The following ATP2A3 variants were observed in gnomAD, a reference collection of about 807,000 sequenced individuals.
The protein encoded by ATP2A3 is sarcoplasmic/endoplasmic reticulum calcium ATPase 3.
In ATP2A3, 61 loss-of-function variants were observed where a neutral mutation model predicts 106.8. The ratio of observed to expected loss-of-function variants is 0.57; its 90% CI spans 0.46 to 0.71. The LOEUF (loss-of-function observed/expected upper bound fraction) is 0.71, where lower values mean the gene tolerates loss of function less well. Ranked by LOEUF, ATP2A3 falls within the 30% of genes least tolerant of loss-of-function variation. The pLI is 0.00. For synonymous variants in ATP2A3, 611 were observed against 609.3 expected (o/e 1.00, Z -0.04); for missense variants, 1,201 against 1,423.5 (o/e 0.84, Z 2.52).
At chr17:3,942,371 A>G (rs2053829920) in intron 12 of ATP2A3, among the ~76,000 whole-genome samples, 1 of 152,194 alleles carries the variant, frequency 6.6e-6, no homozygotes, top group Non-Finnish European at 1.5e-5. Flanking sequence ...CGCTGTAGAC[A>G]GTGGTCTGCA....
In ATP2A3 at chr17:3,925,956, C is replaced by A. The variant is rs113124817; in HGVS notation, c.2981-515G>T. ...AAGCCGAAATCCAGTCCCAACACCC[C>A]ATTTCATGGTTCCTCACTGTCCTCA... On this transcript the variant is annotated intron_variant, in intron 20 of 20. Transcript: ENST00000397041. This position sits in a 1 kb window ranked among gnomAD's most constrained non-coding sequence, Gnocchi z 4.2. Among the ~76,000 whole-genome samples the A allele has an allele frequency of 2.2e-3, 341 of 152,050 alleles. 1 individual carries two copies. Among genetic ancestry groups the A allele is most frequent in the Non-Finnish European group, 3.9e-3 (263 of 67,964 alleles).
At chr17:3,933,290 A>C (rs1361260297) in intron 17 of ATP2A3, among the ~76,000 whole-genome samples, 1 of 151,194 alleles carries the variant, frequency 6.6e-6, no homozygotes. Flanking sequence ...CAAATAAATA[A>C]ATAAATAAAT....
chr17:3,927,664 AC>A (rs2052783935), intron 20 of ATP2A3: 2 of 340,864 alleles, frequency 5.9e-6, no homozygotes, highest in Non-Finnish European at 7.1e-6. Context: ...AGCTCCCCCC[AC>A]CCCCACCCAT....
intron 17 of ATP2A3, among the ~76,000 whole-genome samples, chr17:3,934,638 C>G (rs1243190002): frequency 6.6e-6 from 1 of 151,834 alleles, no homozygotes; most frequent in Non-Finnish European, 1.5e-5. Context: ...ATTCAACTGC[C>G]TCAGCCTCCT....
In ATP2A3 at chr17:3,953,539, G is replaced by A. The variant is rs552399257; in HGVS notation, c.137-110C>T. 535 of 1,500,160 alleles carry A rather than the reference G, an allele frequency of 3.6e-4. 2 individuals are homozygous for A. Among genetic ancestry groups the A allele is most frequent in the Middle Eastern group, 1.7e-4 (1 of 5,858 alleles). 92.9% of individuals were successfully genotyped at this position (1,500,160 alleles called of 1,614,324 possible). ...GCCCATTCCCTCCCTGCACTCAGAA[G>A]AGGGAGAACCCAGGTCGCTGAGAGG... On this transcript the variant is annotated intron_variant, in intron 2 of 20. Coordinates refer to ENST00000397041, the MANE Select transcript of ATP2A3 (RefSeq NM_005173.4). The surrounding 1 kb of genome is among the most constrained non-coding windows in gnomAD (Gnocchi z 5.1).
Position 3,926,186 on chromosome 17 carries a change from C to T in ATP2A3, c.2981-745G>A, listed in dbSNP as rs1031691750. 1.3e-5 allele frequency among the ~76,000 whole-genome samples: 2 copies of T among 152,182 alleles called. No individual in the cohort carries two copies. The highest frequency in any genetic ancestry group is 3.9e-4 in the East Asian group (2 of 5,190). On this transcript the variant is annotated intron_variant, in intron 20 of 20. Transcript: ENST00000397041. The surrounding 1 kb of genome is among the most constrained non-coding windows in gnomAD (Gnocchi z 4.6). Reference sequence around the variant, plus strand: ...CACATCCCTCGTAAATGACATAAATCACGGGGAAGCCACAAGCATCAGGCT... The same window carrying T: ...CACATCCCTCGTAAATGACATAAATTACGGGGAAGCCACAAGCATCAGGCT...
chr17:3,930,435 C>T lies in ATP2A3; in HGVS notation c.2611-1G>A, dbSNP rs1236771384. The T allele has an allele frequency of 6.2e-7, 1 of 1,613,834 alleles. No homozygotes were observed. The highest frequency in any genetic ancestry group is 8.5e-7 in the Non-Finnish European group (1 of 1,180,012). Reference sequence around the variant, plus strand: ...CTTCGGAGCACTTCAGGAAGTTCCTCTGGGGGCACCGTGGCAGGTCAGAGA... The same window carrying T: ...CTTCGGAGCACTTCAGGAAGTTCCTTTGGGGGCACCGTGGCAGGTCAGAGA... On this transcript the variant is annotated splice_acceptor_variant, in intron 17 of 20. Coordinates refer to ENST00000397041, the MANE Select transcript of ATP2A3 (RefSeq NM_005173.4). LOFTEE classifies it high-confidence loss of function. This position sits in a 1 kb window ranked among gnomAD's most constrained non-coding sequence, Gnocchi z 5.4.
Position 3,924,914 on chromosome 17 carries a change from C to T in ATP2A3, c.*508G>A. On this transcript the variant is annotated 3_prime_UTR_variant, in exon 21 of 21. Coordinates refer to ENST00000397041, the MANE Select transcript of ATP2A3 (RefSeq NM_005173.4). This position sits in a 1 kb window ranked among gnomAD's most constrained non-coding sequence, Gnocchi z 6.4. ...TGTACACAGCTGGGCCCAGATGGCC[C>T]CTTCTGATCCCCCAGGGCTGACCCA... 1 of 451,992 alleles carries T rather than the reference C, an allele frequency of 2.2e-6. No individual in the cohort carries two copies. 28.0% of individuals were successfully genotyped at this position (451,992 alleles called of 1,614,324 possible).
Position 3,951,568 on chromosome 17 carries a change from CAG to C in ATP2A3, c.324+11_324+12del. The stretch of plus-strand genomic sequence containing the variant: ...ACCGCCCCCCGCCCGGTCCCACCCC[CAG>C]TGCCTCCCACCTGCCACACGCCCAC... On this transcript the variant is annotated intron_variant, in intron 4 of 20. Coordinates refer to ENST00000397041, the MANE Select transcript of ATP2A3 (RefSeq NM_005173.4). The C allele has an allele frequency of 6.4e-7, 1 of 1,567,100 alleles. No individual in the cohort carries two copies. Among genetic ancestry groups the C allele is most frequent in the Non-Finnish European group, 8.6e-7 (1 of 1,156,420 alleles).
rs1199850537 is a variant in ATP2A3, at chr17:3,958,857, T to C, written c.119-5147A>G. Among the ~76,000 whole-genome samples, 98 of 109,662 alleles carry C rather than the reference T, an allele frequency of 8.9e-4. 1 individual carries two copies. The highest frequency in any genetic ancestry group is 1.9e-3 in the African/African-American group (41 of 21,976). 71.9% of individuals were successfully genotyped at this position (109,662 alleles called of 152,430 possible). ...ACACACACACATATATAAATATATA[T>C]ATATATATATATACACACACACACA... is the stretch of plus-strand genomic sequence containing the variant. On this transcript the variant is annotated intron_variant, in intron 1 of 20. Transcript: ENST00000397041.
chr17:3,944,574 T>C, intron 10 of ATP2A3, 130 bp downstream of exon 10: 1 of 892,368 alleles, frequency 1.1e-6, no homozygotes. Context: ...TGTGCAGGGG[T>C]AACCGTGCTC....
At chr17:3,948,087 GT>G (rs2054219725) in intron 7 of ATP2A3, among the ~76,000 whole-genome samples, 1 of 152,182 alleles carries the variant, frequency 6.6e-6, no homozygotes, top group African/African-American at 2.4e-5. Context: ...CGTATCCCCA[GT>G]GCCTAGCACG....
chr17:3,958,803 C>T lies in ATP2A3; in HGVS notation c.119-5093G>A, dbSNP rs963083666. 1.3e-3 allele frequency among the ~76,000 whole-genome samples: 147 copies of T among 116,074 alleles called. 3 individuals carry two copies. The highest frequency in any genetic ancestry group is 5.2e-3 in the African/African-American group (134 of 25,890). 76.1% of individuals were successfully genotyped at this position (116,074 alleles called of 152,430 possible). On this transcript the variant is annotated intron_variant, in intron 1 of 20. Transcript: ENST00000397041. The stretch of plus-strand genomic sequence containing the variant: ...ACACATATATATACACATATATATA[C>T]ACACATATATATATACACACATATA...
Position 3,947,530 on chromosome 17 carries a change from A to G in ATP2A3, c.956T>C (p.Leu319Pro). 6.2e-7 allele frequency: 1 copy of G among 1,613,344 alleles called. No homozygotes were observed. Among genetic ancestry groups the G allele is most frequent in the South Asian group, 1.1e-5 (1 of 91,082 alleles). Residue 319 changes from leucine (L) to proline (P), a missense_variant, in exon 8 of 21, where the codon CTG becomes CCG. Transcript: ENST00000397041. This position sits in a 1 kb window ranked among gnomAD's most constrained non-coding sequence, Gnocchi z 7.7. ...EGLPAVITTCLALGTRRMARK... is the reference protein window; with the variant it reads ...EGLPAVITTCPALGTRRMARK... ...TGCCATGCGCCGCGTGCCCAGTGCC[A>G]GGCATGTAGTGATGACAGCCGGGAG...
intron 14 of ATP2A3, among the ~76,000 whole-genome samples, chr17:3,938,509 C>T (rs899215660): frequency 2.6e-5 from 4 of 151,918 alleles, no homozygotes; most frequent in Non-Finnish European, 4.4e-5. Flanking sequence ...TCAAGGTCAA[C>T]GTTGAGAATA....
chr17:3,959,385 C>T (rs747145520), intron 1 of ATP2A3, among the ~76,000 whole-genome samples: 19 of 152,172 alleles, frequency 1.2e-4, no homozygotes, highest in Non-Finnish European at 1.8e-4. Flanking sequence ...CAGGGTGGGG[C>T]GGGGCTGAGT....
Position 3,928,545 on chromosome 17 carries a change from G to A in ATP2A3, c.2980+118C>T, listed in dbSNP as rs191866682. On this transcript the variant is annotated intron_variant, in intron 20 of 20. Coordinates refer to ENST00000397041, the MANE Select transcript of ATP2A3 (RefSeq NM_005173.4). The surrounding 1 kb of genome is among the most constrained non-coding windows in gnomAD (Gnocchi z 6.1). ...ACCCTCCACTTGGTGATCCGAGAAC[G>A]CCTCCCCGATGTGCAGACAGAGAGG... 9.5e-6 allele frequency: 10 copies of A among 1,048,884 alleles called. No individual in the cohort carries two copies. The highest frequency in any genetic ancestry group is 4.0e-5 in the Admixed American group (2 of 49,898). 65.0% of individuals were successfully genotyped at this position (1,048,884 alleles called of 1,614,324 possible).
Position 3,931,558 on chromosome 17 carries a change from G to T in ATP2A3, c.2611-1124C>A, listed in dbSNP as rs1340267647. Among the ~76,000 whole-genome samples, 7 of 145,720 alleles carry T rather than the reference G, an allele frequency of 4.8e-5. No individual in the cohort carries two copies. In the East Asian group the frequency reaches 1.0e-3, roughly 21 times the overall value. On this transcript the variant is annotated intron_variant, in intron 17 of 20. Coordinates refer to ENST00000397041, the MANE Select transcript of ATP2A3 (RefSeq NM_005173.4). Reference sequence around the variant, plus strand: ...TTTTTTTGAAACAGAGTCTCGCTCTGTCACCCGAGCTGGAGTGCAGTGGCA... The same window carrying T: ...TTTTTTTGAAACAGAGTCTCGCTCTTTCACCCGAGCTGGAGTGCAGTGGCA...
rs1195923271 is a variant in ATP2A3 at position 3,951,801 on chromosome 17, G to A, written c.220-116C>T. ...CCTGCTTTGGGGAGATAGCACTGGG[G>A]AGCTCTTGGCTTGGAGAGGGCCACT... On this transcript the variant is annotated intron_variant, in intron 3 of 20. Transcript: ENST00000397041. 4 of 1,090,894 alleles carry A rather than the reference G, an allele frequency of 3.7e-6. No homozygotes were observed. The Admixed American group carries it at 6.0e-5, about 16-fold the overall frequency. The allele number at this position is 1,090,894 out of a possible 1,614,324, so 67.6% of individuals were successfully genotyped here.
Sources: gnomAD v4.1 joint callset for allele counts (sites outside exome capture counted in the v4.1 genomes callset) on GRCh38, gnomAD v4.1.1 for gene constraint, Gnocchi (gnomAD v3.1) non-coding constraint, MANE v1.5 for transcripts, NCBI Gene and HGNC (gene_info 2026-07-23, HGNC 2026-07-21) for gene names.